The following SEMA6C variants were observed in gnomAD, a reference collection of about 807,000 sequenced individuals.
The protein encoded by SEMA6C is semaphorin-6C.
SEMA6C carries 37 observed loss-of-function variants against 72.9 expected under a neutral mutation model. That is an observed-to-expected ratio of 0.51 (90% CI 0.39 to 0.67). SEMA6C has a LOEUF of 0.67. Ranked by LOEUF, SEMA6C falls within the 30% of genes least tolerant of loss-of-function variation. The pLI is 0.00. For synonymous variants in SEMA6C, 578 were observed against 554.1 expected (o/e 1.04, Z -0.61); for missense variants, 1,189 against 1,263.6 (o/e 0.94, Z 0.89).
In SEMA6C at chr1:151,135,862, C is replaced by T. The variant is rs1417715056; in HGVS notation, c.1260-98G>A. 2.7e-6 allele frequency: 4 copies of T among 1,503,548 alleles called. No individual in the cohort carries two copies. The South Asian group carries it at 3.7e-5, about 14-fold the overall frequency. The allele number at this position is 1,503,548 out of a possible 1,614,324, so 93.1% of individuals were successfully genotyped here. A position where few individuals can be genotyped will look rare whatever the true frequency, so the allele number is the denominator to read the frequency against. ...CTTGGTAGCTGTGCCTGTGCCCTTCCCCCAGGCCCCAGGGTTGCCTTCTTA... is the reference window on the plus strand; with the variant it reads ...CTTGGTAGCTGTGCCTGTGCCCTTCTCCCAGGCCCCAGGGTTGCCTTCTTA... On this transcript the variant is annotated intron_variant, in intron 13 of 18. Transcript: ENST00000368914.
At chr1:151,138,537 C>G (rs1682254368) in intron 7 of SEMA6C, 93 bp downstream of exon 7, 1 of 1,457,460 alleles carries the variant, frequency 6.9e-7, no homozygotes, top group Non-Finnish European at 9.5e-7. Flanking sequence ...CTCCCATTCC[C>G]CAACCGCAGT....
rs1433046200 is a variant in SEMA6C, at chr1:151,132,189, G to A, written c.*295C>T. On this transcript the variant is annotated 3_prime_UTR_variant, in exon 19 of 19. Transcript: ENST00000368914. ...GGCACAGTCTCTGGGGGAGCCCCGA[G>A]GGGCGAGTTAAGGCAGCTTGGCTGG... 1.4e-6 allele frequency: 2 copies of A among 1,457,590 alleles called. No individual in the cohort carries two copies. Among genetic ancestry groups the A allele is most frequent in the Non-Finnish European group, 1.8e-6 (2 of 1,098,032 alleles). 90.3% of individuals were successfully genotyped at this position (1,457,590 alleles called of 1,614,324 possible). A position where few individuals can be genotyped will look rare whatever the true frequency, so the allele number is the denominator to read the frequency against.
Position 151,138,643 on chromosome 1 carries a change from C to A in SEMA6C, c.443G>T (p.Cys148Phe). 6.2e-7 allele frequency: 1 copy of A among 1,613,902 alleles called. No homozygotes were observed. The highest frequency in any genetic ancestry group is 1.1e-5 in the South Asian group (1 of 91,082). Residue 148 changes from cysteine to phenylalanine, a missense_variant, in exon 7 of 19, where the codon TGC (cysteine) becomes TTC (phenylalanine). Physicochemically the swap from Cys to Phe is radical, Grantham distance 205. Around this residue, in one of 2 missense-constraint regions of SEMA6C, gnomAD observed 468 missense variants for 577.4 expected, o/e 0.81. Coordinates refer to ENST00000368914, the MANE Select transcript of SEMA6C (RefSeq NM_030913.6). ...TCTCTTTTGTACCCCATAGCTGCGG[C>A]ACACAGGGCTGAATGAGTTCGTTCC... ...ACGTNSFSPVCRSYGITSLQQ... is the reference protein window; with the variant it reads ...ACGTNSFSPVFRSYGITSLQQ...
chr1:151,136,245 C>G, intron 12 of SEMA6C, 82 bp from the exon 13 acceptor site: 1 of 1,568,300 alleles, frequency 6.4e-7, no homozygotes, highest in Middle Eastern at 2.1e-4. Flanking sequence ...TGCTCCCAAA[C>G]CTGACTGGAA....
At position 151,132,248 on chromosome 1, in the gene SEMA6C, C is replaced by T. The variant is rs890325810; in HGVS notation, c.*236G>A. The T allele has an allele frequency of 6.6e-7, 1 of 1,522,892 alleles. No homozygotes were observed. Among genetic ancestry groups the T allele is most frequent in the Middle Eastern group, 1.7e-4 (1 of 5,720 alleles). The allele number at this position is 1,522,892 out of a possible 1,614,324, so 94.3% of individuals were successfully genotyped here. ...GGGGAGTGGGAGTCCGCCAGCTCCC[C>T]CTGAAATGCTGGCTCACTGAGGAGA... On this transcript the variant is annotated 3_prime_UTR_variant, in exon 19 of 19. Coordinates refer to ENST00000368914, the MANE Select transcript of SEMA6C (RefSeq NM_030913.6).
At position 151,135,660 on chromosome 1, in the gene SEMA6C, G is replaced by T; in HGVS notation, c.1364C>A (p.Thr455Asn). The T allele has an allele frequency of 1.9e-6, 3 of 1,614,156 alleles. No individual in the cohort carries two copies. Among genetic ancestry groups the T allele is most frequent in the Non-Finnish European group, 2.5e-6 (3 of 1,180,000 alleles). Residue 455 changes from threonine (T) to asparagine (N), a missense_variant, in exon 14 of 19, where the codon ACC (threonine) becomes AAC (asparagine). Coordinates refer to ENST00000368914, the MANE Select transcript of SEMA6C (RefSeq NM_030913.6). ...AGGTCCCCCGGATCGCCCACCTGGGGTCAGCACCTTCAGCACTGTCCCATC... is the reference window on the plus strand; with the variant it reads ...AGGTCCCCCGGATCGCCCACCTGGGTTCAGCACCTTCAGCACTGTCCCATC... Reference protein sequence around the residue: ...SNDGTVLKVLTPGGRSGGPEP... With the variant: ...SNDGTVLKVLNPGGRSGGPEP...
Position 151,134,300 on chromosome 1 carries a change from C to T in SEMA6C, c.1759+101G>A, listed in dbSNP as rs995092275. On this transcript the variant is annotated intron_variant, in intron 18 of 18. Transcript: ENST00000368914. ...GGAGGATGCCGACCCTTTTCCGATA[C>T]TCCCAGGGTATTCAGAATGCTGCTC... 9 of 1,189,138 alleles carry T rather than the reference C, an allele frequency of 7.6e-6. No individual in the cohort carries two copies. In the African/African-American group the frequency reaches 9.1e-5, roughly 12 times the overall value. 73.7% of individuals were successfully genotyped at this position (1,189,138 alleles called of 1,614,324 possible). A position where few individuals can be genotyped will look rare whatever the true frequency, so the allele number is the denominator to read the frequency against.
rs1681933082 is a variant in SEMA6C at position 151,135,363 on chromosome 1, T to A, written c.1434-54A>T. On this transcript the variant is annotated intron_variant, in intron 14 of 18. Transcript: ENST00000368914. Reference sequence around the variant, plus strand: ...TGGACAGATGAGGCTACCTTTTCCCTGAGTGAGTGGAAGAACAGAAAGCGG... The same window carrying A: ...TGGACAGATGAGGCTACCTTTTCCCAGAGTGAGTGGAAGAACAGAAAGCGG... The A allele has an allele frequency of 1.9e-6, 3 of 1,577,038 alleles. No individual in the cohort carries two copies. The African/African-American group carries it at 4.1e-5, about 21-fold the overall frequency.
In SEMA6C at chr1:151,132,442, G is replaced by A; in HGVS notation, c.*42C>T. On this transcript the variant is annotated 3_prime_UTR_variant, in exon 19 of 19. Transcript: ENST00000368914. Reference sequence around the variant, plus strand: ...AGAGCGTCCAGCTCGTGGCCGAGAGGACTCGGGCGCTCCCCACGCTGGAGG... The same window carrying A: ...AGAGCGTCCAGCTCGTGGCCGAGAGAACTCGGGCGCTCCCCACGCTGGAGG... The A allele has an allele frequency of 6.5e-7, 1 of 1,533,802 alleles. No individual in the cohort carries two copies. The highest frequency in any genetic ancestry group is 8.8e-7 in the Non-Finnish European group (1 of 1,137,686).
intron 5 of SEMA6C, 65 bp from the exon 6 acceptor site, chr1:151,139,546 CT>C: frequency 6.2e-7 from 1 of 1,602,912 alleles, no homozygotes; most frequent in Non-Finnish European, 8.5e-7. Flanking sequence ...ATTATGGCTC[CT>C]TTTAGATTCT....
intron 2 of SEMA6C, among the ~76,000 whole-genome samples, 169 bp downstream of exon 2, chr1:151,144,216 G>A (rs992571624): frequency 1.3e-5 from 2 of 151,866 alleles, no homozygotes; most frequent in Non-Finnish European, 2.9e-5. Flanking sequence ...TCCCCAACCT[G>A]CTCTCCCCAC....
chr1:151,136,229 C>G, intron 12 of SEMA6C, 66 bp from the exon 13 acceptor site: 2 of 1,586,958 alleles, frequency 1.3e-6, no homozygotes, highest in Non-Finnish European at 1.7e-6. Flanking sequence ...CCTCTGTGCC[C>G]CCTACTGCTC....
rs1381202190 is a variant in SEMA6C, at chr1:151,132,559, C to A, written c.2718G>T (p.Gln906His). 2.6e-6 allele frequency: 4 copies of A among 1,551,378 alleles called. No individual in the cohort carries two copies. In the East Asian group the frequency reaches 9.8e-5, roughly 38 times the overall value. ...ALKRVDVEKP[Q>H]LSLKPPLVGP... The stretch of plus-strand genomic sequence containing the variant: ...CGACGAGGGGAGGCTTCAGGGACAA[C>A]TGGGGCTTCTCGACGTCCACCCTTT... Residue 906 changes from glutamine (Q) to histidine (H), a missense_variant, in exon 19 of 19, where the codon CAG (glutamine) becomes CAT (histidine). Around this residue, in one of 2 missense-constraint regions of SEMA6C, gnomAD observed 721 missense variants for 686.2 expected, o/e 1.05. Coordinates refer to ENST00000368914, the MANE Select transcript of SEMA6C (RefSeq NM_030913.6).
At chr1:151,143,160 G>A (rs587747375) in intron 2 of SEMA6C, among the ~76,000 whole-genome samples, 174 of 152,322 alleles carry the variant, frequency 1.1e-3, no homozygotes, top group African/African-American at 4.1e-3. Context: ...GCGCCTAGGC[G>A]GGGGCAGCCG....
At chr1:151,135,794 C>A in intron 13 of SEMA6C, 30 bp from the exon 14 acceptor site, 3 of 1,609,900 alleles carry the variant, frequency 1.9e-6, no homozygotes, top group Non-Finnish European at 2.5e-6. Flanking sequence ...GTCAGGGAAC[C>A]TGTCTAGTGG....
chr1:151,142,402 C>G, intron 3 of SEMA6C, 102 bp downstream of exon 3: 1 of 1,286,012 alleles, frequency 7.8e-7, no homozygotes, highest in South Asian at 1.3e-5. Context: ...TGGCTGTTAG[C>G]TTCCTGAGGC....
At position 151,146,422 on chromosome 1, in the gene SEMA6C, G is replaced by C. The variant is rs958741550; in HGVS notation, c.-105+11C>G. 1.3e-5 allele frequency: 2 copies of C among 152,230 alleles called. No individual in the cohort carries two copies. The highest frequency in any genetic ancestry group is 2.4e-5 in the African/African-American group (1 of 41,428). 9.4% of individuals were successfully genotyped at this position (152,230 alleles called of 1,614,324 possible). Reference sequence around the variant, plus strand: ...CCTCCCCGCAGCCCCTTCCCTGCCCGGGGTACTTGCTCCAGGATTCGGGTC... The same window carrying C: ...CCTCCCCGCAGCCCCTTCCCTGCCCCGGGTACTTGCTCCAGGATTCGGGTC... On this transcript the variant is annotated intron_variant, in intron 1 of 18. Transcript: ENST00000368914. The surrounding 1 kb of genome is among the most constrained non-coding windows in gnomAD (Gnocchi z 4.6).
At chr1:151,135,810 T>G (rs776419503) in intron 13 of SEMA6C, 46 bp from the exon 14 acceptor site, 12 of 1,599,824 alleles carry the variant, frequency 7.5e-6, no homozygotes, top group Non-Finnish European at 1.0e-5. Context: ...AGTGGAAACC[T>G]GAGCATTTCA....
chr1:151,138,882 C>T, intron 6 of SEMA6C, 151 bp from the exon 7 acceptor site: 1 of 645,648 alleles, frequency 1.5e-6, no homozygotes, highest in Non-Finnish European at 2.8e-6. Flanking sequence ...TGCCTGAGTT[C>T]AGGAGTTCAA....
Sources: gnomAD v4.1 joint callset for allele counts (sites outside exome capture counted in the v4.1 genomes callset) on GRCh38, gnomAD v4.1.1 for gene constraint, gnomAD v4.1.1 regional missense constraint, Gnocchi (gnomAD v3.1) non-coding constraint, MANE v1.5 for transcripts, NCBI Gene and HGNC (gene_info 2026-07-23, HGNC 2026-07-21) for gene names.